DISP3: variants seen among roughly 807,000 people sequenced by gnomAD.
DISP3 encodes protein dispatched homolog 3.
DISP3 carries 101 observed loss-of-function variants against 135.3 expected under a neutral mutation model. The ratio of observed to expected loss-of-function variants is 0.75; its 90% CI spans 0.64 to 0.88. The LOEUF (loss-of-function observed/expected upper bound fraction) is 0.88, where lower values mean the gene tolerates loss of function less well. Ranked by LOEUF, DISP3 falls within the 40% of genes least tolerant of loss-of-function variation. The pLI is 0.00. For synonymous variants in DISP3, 856 were observed against 817.0 expected (o/e 1.05, Z -0.81); for missense variants, 1,713 against 1,878.6 (o/e 0.91, Z 1.63).
rs755701875 is a variant in DISP3, at chr1:11,516,009, G to A, written c.1597G>A (p.Asp533Asn). ...AFVIVGIGVDDVFVFINTYRQ... is the reference protein window; with the variant it reads ...AFVIVGIGVDNVFVFINTYRQ... Reference sequence around the variant, plus strand: ...GGGACTCCCTCCCACAGGTGTGGACGATGTCTTTGTGTTCATCAACACCTA... The same window carrying A: ...GGGACTCCCTCCCACAGGTGTGGACAATGTCTTTGTGTTCATCAACACCTA... The change falls in exon 6 of 21, where the codon GAT (aspartate) becomes AAT (asparagine). Residue 533 changes from aspartate to asparagine, a missense_variant. Asp to Asn is a conservative substitution (Grantham distance 23). Around this residue, in one of 2 missense-constraint regions of DISP3, gnomAD observed 1,142 missense variants for 1,384.6 expected, o/e 0.82. Coordinates refer to ENST00000294484, the MANE Select transcript of DISP3 (RefSeq NM_020780.2). The surrounding 1 kb of genome is among the most constrained non-coding windows in gnomAD (Gnocchi z 5.1). The A allele has an allele frequency of 8.1e-6, 13 of 1,613,800 alleles. No homozygotes were observed. Among genetic ancestry groups the A allele is most frequent in the Admixed American group, 1.7e-5 (1 of 59,966 alleles).
At chr1:11,515,023 C>T (rs1289817408) in intron 4 of DISP3, among the ~76,000 whole-genome samples, 5 of 152,216 alleles carry the variant, frequency 3.3e-5, no homozygotes, top group Non-Finnish European at 5.9e-5. Flanking sequence ...GACATTCATT[C>T]GTCCATACAA....
chr1:11,503,414 G>C (rs772039270), intron 3 of DISP3, among the ~76,000 whole-genome samples: 4 of 152,176 alleles, frequency 2.6e-5, no homozygotes, highest in Non-Finnish European at 4.4e-5. Flanking sequence ...GTCCAAATTT[G>C]AAGGCCTCAG....
intron 12 of DISP3, 71 bp from the exon 13 acceptor site, chr1:11,526,580 G>A: frequency 6.6e-7 from 1 of 1,513,712 alleles, no homozygotes; most frequent in South Asian, 1.2e-5. Flanking sequence ...AGGGGACGGA[G>A]CCTGAGGCTG....
At chr1:11,489,532 C>A (rs1408671737) in intron 1 of DISP3, among the ~76,000 whole-genome samples, 1 of 152,202 alleles carries the variant, frequency 6.6e-6, no homozygotes, top group Admixed American at 6.5e-5. Flanking sequence ...CTGCATGCTG[C>A]CCCCTCCAGT....
At position 11,535,483 on chromosome 1, in the gene DISP3, G is replaced by A. The variant is rs1032148067; in HGVS notation, c.3655G>A (p.Val1219Met). 5.0e-6 allele frequency: 8 copies of A among 1,606,542 alleles called. No homozygotes were observed. The highest frequency in any genetic ancestry group is 6.8e-6 in the Non-Finnish European group (8 of 1,175,738). Residue 1219 changes from valine (V) to methionine (M), a missense_variant, in exon 20 of 21, where the codon GTG (valine) becomes ATG (methionine). By Grantham distance (21) the Val-to-Met change is conservative. Transcript: ENST00000294484. The part of the protein sequence containing the change: ...LPVLLSILGI[V>M]CLVVTIMYWS... ...CCCCTGCTGTCTCCTTGCAGGCATCGTGTGCCTGGTGGTGACCATCATGTA... is the reference window on the plus strand; with the variant it reads ...CCCCTGCTGTCTCCTTGCAGGCATCATGTGCCTGGTGGTGACCATCATGTA...
rs770388332 is a variant in DISP3 at position 11,536,329 on chromosome 1, C to A, written c.3822C>A (p.Ala1274=). ...AGCTCTCCTCTTGCCCCCAGGACGC[C>A]CGAACGCAGCGCCAGTGGCGTACGC... The part of the protein sequence containing the change: ...ENLPPHQAED[A]RTQRQWRTLE... Residue 1274 remains alanine (A), a synonymous_variant, in exon 21 of 21, where the codon GCC becomes GCA. Coordinates refer to ENST00000294484, the MANE Select transcript of DISP3 (RefSeq NM_020780.2). This position sits in a 1 kb window ranked among gnomAD's most constrained non-coding sequence, Gnocchi z 4.3. The A allele has an allele frequency of 1.8e-5, 28 of 1,598,740 alleles. No individual in the cohort carries two copies. Among genetic ancestry groups the A allele is most frequent in the Non-Finnish European group, 2.4e-5 (28 of 1,178,506 alleles).
Position 11,501,493 on chromosome 1 carries a change from A to G in DISP3, c.501A>G (p.Gln167=). ...TGCATCTCGGCAACCGCTCGCGGCAAGCCTCCCGAGCCCCCCGCGTCATCC... is the reference window on the plus strand; with the variant it reads ...TGCATCTCGGCAACCGCTCGCGGCAGGCCTCCCGAGCCCCCCGCGTCATCC... ...QQLHLGNRSR[Q]ASRAPRVIPA... is the part of the protein sequence containing the mutation. Residue 167 remains glutamine (Q), a synonymous_variant, in exon 2 of 21, where the codon CAA becomes CAG. Coordinates refer to ENST00000294484, the MANE Select transcript of DISP3 (RefSeq NM_020780.2). This position sits in a 1 kb window ranked among gnomAD's most constrained non-coding sequence, Gnocchi z 4.9. The G allele has an allele frequency of 1.2e-6, 2 of 1,606,482 alleles. No homozygotes were observed. Among genetic ancestry groups the G allele is most frequent in the Non-Finnish European group, 8.5e-7 (1 of 1,176,446 alleles).
chr1:11,527,327 A>ATCACGAGG (rs1401758087), intron 13 of DISP3, among the ~76,000 whole-genome samples: 1 of 152,056 alleles, frequency 6.6e-6, no homozygotes, highest in Non-Finnish European at 1.5e-5. Context: ...AGGTGGGCGG[A>ATCACGAGG]TCACGAGGTC....
rs1411112959 is a variant in DISP3, at chr1:11,502,172, G to A, written c.1096+84G>A. ...GAGATTTGGCCCAGGCCAGGCCCAG[G>A]CCCAGGCCCAGGCCCAGTCAGTCTG... On this transcript the variant is annotated intron_variant, in intron 2 of 20. Transcript: ENST00000294484. 8.1e-6 allele frequency: 12 copies of A among 1,473,718 alleles called. 1 individual carries two copies. The Admixed American group carries it at 2.8e-4, about 34-fold the overall frequency. 91.3% of individuals were successfully genotyped at this position (1,473,718 alleles called of 1,614,324 possible).
chr1:11,523,918 C>T (rs746245230), intron 10 of DISP3, 24 bp from the exon 11 acceptor site: 3 of 1,591,948 alleles, frequency 1.9e-6, no homozygotes, highest in Non-Finnish European at 2.6e-6. Context: ...GTCCTGCTGT[C>T]CTTGACATGG....
At position 11,519,297 on chromosome 1, in the gene DISP3, AC is replaced by A; in HGVS notation, c.1890-55del. 2 of 1,548,168 alleles carry A rather than the reference AC, an allele frequency of 1.3e-6. No individual in the cohort carries two copies. Among genetic ancestry groups the A allele is most frequent in the Non-Finnish European group, 1.8e-6 (2 of 1,131,022 alleles). ...CATCTGATCCTCAGGGCCCTGCCCC[AC>A]CCTCCCTGGGTACCCAGGACCCTCT... On this transcript the variant is annotated intron_variant, in intron 7 of 20. Transcript: ENST00000294484. The surrounding 1 kb of genome is among the most constrained non-coding windows in gnomAD (Gnocchi z 4.3).
At chr1:11,480,726 T>A (rs185571585) in intron 1 of DISP3, among the ~76,000 whole-genome samples, 15 of 147,022 alleles carry the variant, frequency 1.0e-4, no homozygotes, top group African/African-American at 3.8e-4. Context: ...GTCCTGCTCC[T>A]ATGGGCGAAG....
chr1:11,535,094 C>T lies in DISP3; in HGVS notation c.3619C>T (p.Leu1207Phe). 1 of 1,609,002 alleles carries T rather than the reference C, an allele frequency of 6.2e-7. No individual in the cohort carries two copies. The highest frequency in any genetic ancestry group is 8.5e-7 in the Non-Finnish European group (1 of 1,178,526). The change falls in exon 19 of 21, where the codon CTC (leucine) becomes TTC (phenylalanine). Residue 1207 changes from leucine to phenylalanine, a missense_variant. This residue lies in a region of DISP3 where 1,142 missense variants were observed against 1,384.6 expected (regional missense o/e 0.82). Transcript: ENST00000294484. Reference protein sequence around the residue: ...AVAVFTTHILLLLPVLLSILG... With the variant: ...AVAVFTTHILFLLPVLLSILG... ...GGCCGTGTTCACCACCCACATCCTG[C>T]TCCTGCTGCCCGTGCTCCTCAGCAT...
At chr1:11,534,315 A>T in intron 17 of DISP3, 66 bp from the exon 18 acceptor site, 1 of 1,581,816 alleles carries the variant, frequency 6.3e-7, no homozygotes, top group Middle Eastern at 1.7e-4. Context: ...CAGACCAGCC[A>T]TGCCTGGGAA....
At chr1:11,505,378 G>A (rs72635492) in intron 3 of DISP3, among the ~76,000 whole-genome samples, 2,817 of 152,334 alleles carry the variant, frequency 0.018, 50 homozygotes, top group South Asian at 0.049. Context: ...AAGGTACTTG[G>A]CTGGGTTGGG....
intron 3 of DISP3, 93 bp from the exon 4 acceptor site, chr1:11,514,297 C>T: frequency 7.1e-7 from 1 of 1,415,628 alleles, no homozygotes; most frequent in Non-Finnish European, 9.8e-7. Flanking sequence ...GTGAAGTGGA[C>T]AGCTCCTGAT....
At position 11,529,719 on chromosome 1, in the gene DISP3, G is replaced by A; in HGVS notation, c.2929+33G>A. On this transcript the variant is annotated intron_variant, in intron 14 of 20. Coordinates refer to ENST00000294484, the MANE Select transcript of DISP3 (RefSeq NM_020780.2). This position sits in a 1 kb window ranked among gnomAD's most constrained non-coding sequence, Gnocchi z 4.7. ...AAGGGCACACAGGTGGGGACCTCAA[G>A]AGCTGAGACCTCGGGGCTCAGGAGC... is the stretch of plus-strand genomic sequence containing the variant. 1 of 1,600,508 alleles carries A rather than the reference G, an allele frequency of 6.2e-7. No homozygotes were observed. The highest frequency in any genetic ancestry group is 1.3e-5 in the African/African-American group (1 of 74,724).
intron 1 of DISP3, among the ~76,000 whole-genome samples, chr1:11,480,189 G>C (rs934662614): frequency 2.6e-5 from 4 of 152,280 alleles, no homozygotes; most frequent in African/African-American, 9.6e-5. Flanking sequence ...CACGGCCGGC[G>C]CCAGCTTCCC....
chr1:11,519,104 CCCCTCTT>C lies in DISP3; in HGVS notation c.1890-248_1890-242del, dbSNP rs1490467194. Among the ~76,000 whole-genome samples the C allele has an allele frequency of 2.0e-5, 3 of 152,154 alleles. No individual in the cohort carries two copies. The highest frequency in any genetic ancestry group is 2.9e-5 in the Non-Finnish European group (2 of 68,028). ...TGCCCGGGCCACTGTGTGTTGTCATCCCCTCTTCCTGGGTAATGTTTGCTGTCACCAT... is the reference window on the plus strand; with the variant it reads ...TGCCCGGGCCACTGTGTGTTGTCATCCCTGGGTAATGTTTGCTGTCACCAT... On this transcript the variant is annotated intron_variant, in intron 7 of 20. Coordinates refer to ENST00000294484, the MANE Select transcript of DISP3 (RefSeq NM_020780.2). This position sits in a 1 kb window ranked among gnomAD's most constrained non-coding sequence, Gnocchi z 4.3.
Sources: allele counts gnomAD v4.1 joint callset (sites outside exome capture counted in the v4.1 genomes callset), GRCh38; gene constraint gnomAD v4.1.1; regional missense constraint gnomAD v4.1.1; non-coding constraint Gnocchi (gnomAD v3.1); transcripts MANE v1.5; gene names NCBI Gene and HGNC (gene_info 2026-07-23, HGNC 2026-07-21).